ANKRD12: variants seen among roughly 807,000 people sequenced by gnomAD.
The protein encoded by ANKRD12 is ankyrin repeat domain-containing protein 12.
In ANKRD12, 85 loss-of-function variants were observed where a neutral mutation model predicts 183.4. The ratio of observed to expected loss-of-function variants is 0.46; its 90% CI spans 0.39 to 0.56. ANKRD12 has a LOEUF of 0.56. ANKRD12 is among the 20% of genes least tolerant of loss of function. ANKRD12 has a pLI of 0.00. For synonymous variants in ANKRD12, 914 were observed against 800.2 expected, an observed-to-expected ratio of 1.14 and a Z score of -2.40; for missense variants, 2,405 against 2,357.1, an observed-to-expected ratio of 1.02 and a Z score of -0.42.
intron 1 of ANKRD12, among the ~76,000 whole-genome samples, chr18:9,160,215 A>C (rs1053074821): frequency 6.6e-6 from 1 of 152,148 alleles, no homozygotes; most frequent in African/African-American, 2.4e-5. Flanking sequence ...ACGTGGACTC[A>C]GGTGATCCTC....
At chr18:9,195,853 A>G (rs113325027) in intron 3 of ANKRD12, among the ~76,000 whole-genome samples, 155 bp downstream of exon 3, 31 of 152,240 alleles carry the variant, frequency 2.0e-4, no homozygotes, top group African/African-American at 6.3e-4. Context: ...AATTCCATCT[A>G]TCATGCCAAG....
At chr18:9,147,877 C>T (rs1019635310) in intron 1 of ANKRD12, among the ~76,000 whole-genome samples, 1 of 152,150 alleles carries the variant, frequency 6.6e-6, no homozygotes, top group African/African-American at 2.4e-5. Context: ...ACTGTACTTA[C>T]TCTGTGAAAT....
intron 1 of ANKRD12, among the ~76,000 whole-genome samples, chr18:9,164,784 A>G (rs1390656275): frequency 6.6e-6 from 1 of 152,136 alleles, no homozygotes; most frequent in Non-Finnish European, 1.5e-5. Flanking sequence ...GTCGTTTTGC[A>G]TTTGCTCAGG....
intron 7 of ANKRD12, among the ~76,000 whole-genome samples, chr18:9,220,511 C>T (rs952463047): frequency 2.6e-5 from 4 of 152,160 alleles, no homozygotes; most frequent in East Asian, 1.9e-4. Context: ...AAAGAATTAA[C>T]GATGACTCCC....
intron 8 of ANKRD12, among the ~76,000 whole-genome samples, chr18:9,246,662 G>A (rs575225360): frequency 3.3e-5 from 5 of 152,118 alleles, no homozygotes; most frequent in Admixed American, 6.6e-5. Flanking sequence ...TAAAATTGAC[G>A]TATGTGCTTT....
At chr18:9,251,626 T>C (rs1286375290) in intron 8 of ANKRD12, among the ~76,000 whole-genome samples, 1 of 152,002 alleles carries the variant, frequency 6.6e-6, no homozygotes, top group Non-Finnish European at 1.5e-5. Context: ...AAACCCTGTC[T>C]CTACTGAAGA....
intron 11 of ANKRD12, among the ~76,000 whole-genome samples, chr18:9,276,855 G>C (rs549503534): frequency 6.6e-6 from 1 of 152,342 alleles, no homozygotes; most frequent in South Asian, 2.1e-4. Context: ...CACTGGAGAG[G>C]CCACTGAGGG....
intron 1 of ANKRD12, among the ~76,000 whole-genome samples, chr18:9,174,762 C>A (rs990457119): frequency 2.0e-5 from 3 of 152,154 alleles, no homozygotes; most frequent in Admixed American, 2.0e-4. Context: ...TCATTCTTCT[C>A]TATGAGAGCC....
intron 1 of ANKRD12, among the ~76,000 whole-genome samples, chr18:9,139,563 T>C (rs1284910621): frequency 6.6e-6 from 1 of 152,254 alleles, no homozygotes; most frequent in African/African-American, 2.4e-5. Flanking sequence ...GGATGGTTAA[T>C]GCAATCATTT....
At chr18:9,232,289 G>A (rs940912131) in intron 8 of ANKRD12, among the ~76,000 whole-genome samples, 1 of 152,172 alleles carries the variant, frequency 6.6e-6, no homozygotes, top group Non-Finnish European at 1.5e-5. Context: ...ACTCCCTTGA[G>A]CATTTCTGTT....
rs774870578 is a variant in ANKRD12, at chr18:9,256,364, CATAAAG to C, written c.3103_3108del (p.Asp1035_Lys1036del). On this transcript the variant is annotated inframe_deletion, in exon 9 of 13. Transcript: ENST00000262126. Reference sequence around the variant, plus strand: ...AGATAGATACAAAGAACGAGACAAACATAAAGATAAAATTCAAATAAATAGCTTACT... The same window carrying C: ...AGATAGATACAAAGAACGAGACAAACATAAAATTCAAATAAATAGCTTACT... The C allele has an allele frequency of 2.6e-5, 41 of 1,598,748 alleles. No homozygotes were observed. The highest frequency in any genetic ancestry group is 1.7e-4 in the Middle Eastern group (1 of 5,928).
chr18:9,190,829 A>C (rs1425646537), intron 2 of ANKRD12, among the ~76,000 whole-genome samples: 1 of 152,242 alleles, frequency 6.6e-6, no homozygotes. Context: ...ACTAGACTAC[A>C]TCATAGTGTA....
chr18:9,181,434 G>A (rs2033693278), intron 1 of ANKRD12, among the ~76,000 whole-genome samples: 2 of 152,144 alleles, frequency 1.3e-5, no homozygotes, highest in South Asian at 2.1e-4. Context: ...CCATCTGTAG[G>A]AGATTTATAG....
rs2040175062 is a variant in ANKRD12, at chr18:9,284,088, A to AT, written c.*2963dup. On this transcript the variant is annotated 3_prime_UTR_variant, in exon 13 of 13. Transcript: ENST00000262126. Reference sequence around the variant, plus strand: ...TAGCATTATGTCTAAAAATATGTACATAAGTTTAAAAATATTTTATTGCTA... The same window carrying AT: ...TAGCATTATGTCTAAAAATATGTACATTAAGTTTAAAAATATTTTATTGCTA... The AT allele has an allele frequency of 6.6e-6, 1 of 152,224 alleles. No individual in the cohort carries two copies. Among genetic ancestry groups the AT allele is most frequent in the Non-Finnish European group, 1.5e-5 (1 of 68,036 alleles). 9.4% of individuals were successfully genotyped at this position (152,224 alleles called of 1,614,324 possible).
chr18:9,230,669 T>C (rs933396220), intron 8 of ANKRD12, among the ~76,000 whole-genome samples: 4 of 149,300 alleles, frequency 2.7e-5, no homozygotes, highest in Non-Finnish European at 6.0e-5. Context: ...TTTTTTTTTT[T>C]CTTCTTTGAG....
At chr18:9,161,544 T>G (rs1244875668) in intron 1 of ANKRD12, among the ~76,000 whole-genome samples, 1 of 151,398 alleles carries the variant, frequency 6.6e-6, no homozygotes, top group Non-Finnish European at 1.5e-5. Flanking sequence ...CCTGGCTAAT[T>G]TTTTGTATTT....
At chr18:9,172,872 G>A (rs1399192641) in intron 1 of ANKRD12, among the ~76,000 whole-genome samples, 2 of 151,694 alleles carry the variant, frequency 1.3e-5, no homozygotes, top group African/African-American at 4.8e-5. Flanking sequence ...GATTTTTGAG[G>A]TTGCTGATCT....
intron 8 of ANKRD12, among the ~76,000 whole-genome samples, chr18:9,227,080 CAG>C (rs542713860): frequency 1.4e-3 from 207 of 152,056 alleles, no homozygotes; most frequent in Non-Finnish European, 2.3e-3. Flanking sequence ...ACTGTGGTGA[CAG>C]AAGAGAATAT....
At chr18:9,230,833 A>AT (rs879726894) in intron 8 of ANKRD12, among the ~76,000 whole-genome samples, 1,805 of 140,060 alleles carry the variant, frequency 0.013, 32 homozygotes, top group African/African-American at 0.044. Flanking sequence ...TAATTTTTGT[A>AT]TTTTTTTTTT....
Sources: gnomAD v4.1 joint callset for allele counts (sites outside exome capture counted in the v4.1 genomes callset) on GRCh38, gnomAD v4.1.1 for gene constraint, MANE v1.5 for transcripts, NCBI Gene and HGNC (gene_info 2026-07-23, HGNC 2026-07-21) for gene names.